Variants in TSC22D1 observed in about 807,000 individuals in gnomAD.
TSC22D1 encodes the protein TSC22 domain family protein 1.
In TSC22D1, 9 loss-of-function variants were observed where a neutral mutation model predicts 74.2. That is an observed-to-expected ratio of 0.12 (90% CI 0.07 to 0.21). The LOEUF (loss-of-function observed/expected upper bound fraction) is 0.21, where lower values mean the gene tolerates loss of function less well. Ranked by LOEUF, TSC22D1 falls within the 10% of genes least tolerant of loss-of-function variation. The pLI is 1.00. For missense variants in TSC22D1, 1,427 were observed against 1,304.7 expected (o/e 1.09, Z -1.44); for synonymous variants, 586 against 492.5 (o/e 1.19, Z -2.51).
chr13:44,483,127 T>A (rs1878260591), intron 1 of TSC22D1, among the ~76,000 whole-genome samples: 1 of 152,232 alleles, frequency 6.6e-6, no homozygotes, highest in African/African-American at 2.4e-5. Context: ...CTTAATAATG[T>A]ACGATGCAGA....
chr13:44,536,265 C>T (rs555557702), intron 1 of TSC22D1, among the ~76,000 whole-genome samples: 37 of 151,990 alleles, frequency 2.4e-4, no homozygotes, highest in South Asian at 4.1e-4. Context: ...TTACTTCTTG[C>T]CTAGGACCCC....
In TSC22D1 at chr13:44,537,552, A is replaced by G. The variant is rs996827426; in HGVS notation, c.2912+35611T>C. On this transcript the variant is annotated intron_variant, in intron 1 of 2. Coordinates refer to ENST00000458659, the MANE Select transcript of TSC22D1 (RefSeq NM_183422.4). Reference sequence around the variant, plus strand: ...TTCAACTAACTTAATTTCCAAGCAAATATCATTTTTAGTTCCTTCAGTTCT... The same window carrying G: ...TTCAACTAACTTAATTTCCAAGCAAGTATCATTTTTAGTTCCTTCAGTTCT... 6 of 985,152 alleles carry G rather than the reference A, an allele frequency of 6.1e-6. No homozygotes were observed. In the Admixed American group the frequency reaches 2.5e-4, roughly 40 times the overall value. 61.0% of individuals were successfully genotyped at this position (985,152 alleles called of 1,614,324 possible).
chr13:44,446,992 T>C (rs1875732611), intron 1 of TSC22D1, among the ~76,000 whole-genome samples: 1 of 152,190 alleles, frequency 6.6e-6, no homozygotes, highest in Non-Finnish European at 1.5e-5. Context: ...GTGTTAAGCA[T>C]ATGGTTACTA....
At chr13:44,544,095 A>G (rs1268293247) in intron 1 of TSC22D1, among the ~76,000 whole-genome samples, 2 of 152,068 alleles carry the variant, frequency 1.3e-5, no homozygotes, top group African/African-American at 4.8e-5. Context: ...TCCGTCTCAA[A>G]AAATAAAAAA....
intron 1 of TSC22D1, among the ~76,000 whole-genome samples, chr13:44,566,968 C>T (rs1883415189): frequency 6.6e-6 from 1 of 152,026 alleles, no homozygotes; most frequent in African/African-American, 2.4e-5. Flanking sequence ...GTTTAGAAGT[C>T]AGTTTAAGAA....
chr13:44,551,878 G>T (rs897542951), intron 1 of TSC22D1, among the ~76,000 whole-genome samples: 1 of 152,142 alleles, frequency 6.6e-6, no homozygotes, highest in Non-Finnish European at 1.5e-5. Flanking sequence ...TCTAGCCTGG[G>T]CAACAGGGCA....
intron 1 of TSC22D1, among the ~76,000 whole-genome samples, chr13:44,531,201 T>C (rs1395335131): frequency 6.6e-6 from 1 of 152,100 alleles, no homozygotes; most frequent in African/African-American, 2.4e-5. Context: ...CAGGAAACTG[T>C]GGGAGGGAGG....
chr13:44,448,892 C>CATGT (rs138708442), intron 1 of TSC22D1, among the ~76,000 whole-genome samples: 2 of 150,082 alleles, frequency 1.3e-5, no homozygotes, highest in African/African-American at 2.5e-5. Context: ...ATTCTAGATC[C>CATGT]GTGTGTGTGT....
At chr13:44,563,642 A>AT in intron 1 of TSC22D1, among the ~76,000 whole-genome samples, 1 of 152,022 alleles carries the variant, frequency 6.6e-6, no homozygotes, top group Non-Finnish European at 1.5e-5. Flanking sequence ...CACCTGACAC[A>AT]TTTTCCTTCA....
intron 1 of TSC22D1, among the ~76,000 whole-genome samples, chr13:44,445,739 A>T (rs905013911): frequency 6.6e-6 from 1 of 152,218 alleles, no homozygotes; most frequent in African/African-American, 2.4e-5. Context: ...TTTATCAAAG[A>T]TATATGGATG....
At chr13:44,533,467 T>TAAA (rs111385787) in intron 1 of TSC22D1, among the ~76,000 whole-genome samples, 1 of 125,218 alleles carries the variant, frequency 8.0e-6, no homozygotes, top group African/African-American at 2.9e-5. Context: ...CAAATAAAAT[T>TAAA]AAAAAAAAAA....
chr13:44,486,215 A>C (rs1363500938), intron 1 of TSC22D1, among the ~76,000 whole-genome samples: 2 of 152,038 alleles, frequency 1.3e-5, no homozygotes, highest in Non-Finnish European at 2.9e-5. Flanking sequence ...TGTCACCCCC[A>C]CAAAAAAACA....
At chr13:44,539,952 A>G (rs1352979975) in intron 1 of TSC22D1, 3 of 1,283,532 alleles carry the variant, frequency 2.3e-6, no homozygotes, top group East Asian at 5.6e-5. Flanking sequence ...TATAGATTTA[A>G]GGAAAAATTC....
intron 1 of TSC22D1, among the ~76,000 whole-genome samples, chr13:44,540,330 T>C (rs947137402): frequency 2.0e-5 from 3 of 152,152 alleles, no homozygotes; most frequent in Admixed American, 1.3e-4. Context: ...GACTGAAAAG[T>C]AGAAACAGAA....
At chr13:44,450,597 G>A (rs535396288) in intron 1 of TSC22D1, among the ~76,000 whole-genome samples, 6 of 152,302 alleles carry the variant, frequency 3.9e-5, no homozygotes, top group South Asian at 2.1e-4. Context: ...AGAACTGACC[G>A]AACTGGCTTG....
intron 1 of TSC22D1, among the ~76,000 whole-genome samples, chr13:44,520,269 G>A (rs1052383846): frequency 1.3e-5 from 2 of 152,100 alleles, no homozygotes; most frequent in Non-Finnish European, 2.9e-5. Flanking sequence ...CAGAAAGACA[G>A]GAAATCAGAG....
intron 1 of TSC22D1, 193 bp from the exon 2 acceptor site, chr13:44,436,288 TAGTA>T: frequency 1.1e-6 from 1 of 888,650 alleles, no homozygotes; most frequent in South Asian, 1.7e-5. Context: ...CTCCCTATTT[TAGTA>T]AGCCACAAAG....
chr13:44,446,044 T>C (rs1453692411), intron 1 of TSC22D1, among the ~76,000 whole-genome samples: 6 of 152,030 alleles, frequency 3.9e-5, no homozygotes, highest in African/African-American at 1.2e-4. Context: ...TCCAAGAAAA[T>C]TGAAAACATG....
chr13:44,455,740 C>A (rs1394944201), intron 1 of TSC22D1, among the ~76,000 whole-genome samples: 1 of 152,128 alleles, frequency 6.6e-6, no homozygotes, highest in East Asian at 1.9e-4. Flanking sequence ...TATTACAGAG[C>A]CTTTTAAAGC....
Sources: allele counts gnomAD v4.1 joint callset (sites outside exome capture counted in the v4.1 genomes callset), GRCh38; gene constraint gnomAD v4.1.1; transcripts MANE v1.5; gene names NCBI Gene and HGNC (gene_info 2026-07-23, HGNC 2026-07-21).